KDM4C: variants seen among roughly 807,000 people sequenced by gnomAD.
KDM4C encodes lysine demethylase 4C.
KDM4C carries 81 observed loss-of-function variants against 129.3 expected under a neutral mutation model. That is an observed-to-expected ratio of 0.63 (90% CI 0.52 to 0.75). The LOEUF is 0.75. Among genes scored for constraint, KDM4C ranks in the 30% least tolerant of loss-of-function variants. The pLI, the probability that KDM4C is intolerant of heterozygous loss-of-function variation, is 0.00. For missense variants in KDM4C, 1,457 were observed against 1,304.0 expected (o/e 1.12, Z -1.81); for synonymous variants, 573 against 456.1 (o/e 1.26, Z -3.26).
At chr9:6,840,495 C>T (rs988573942) in intron 4 of KDM4C, among the ~76,000 whole-genome samples, 19 of 151,744 alleles carry the variant, frequency 1.3e-4, no homozygotes, top group Admixed American at 1.2e-3. Flanking sequence ...CTCCCAGGTT[C>T]CAGTGATTCT....
intron 1 of KDM4C, among the ~76,000 whole-genome samples, chr9:6,726,283 G>C (rs1045138002): frequency 1.3e-5 from 2 of 152,166 alleles, no homozygotes; most frequent in African/African-American, 4.8e-5. Flanking sequence ...AGAGACTTCC[G>C]AGATTCTCTA....
intron 8 of KDM4C, among the ~76,000 whole-genome samples, chr9:6,908,470 C>T (rs571315524): frequency 2.0e-4 from 31 of 152,162 alleles, no homozygotes; most frequent in Non-Finnish European, 3.7e-4. Context: ...CATTCTTTCA[C>T]TGAGAGAATG....
At chr9:7,103,390 C>G (rs1306846152) in intron 17 of KDM4C, among the ~76,000 whole-genome samples, 1 of 152,180 alleles carries the variant, frequency 6.6e-6, no homozygotes, top group Non-Finnish European at 1.5e-5. Context: ...GGTCTTTTCC[C>G]GAGCTCTGTG....
At chr9:7,108,424 A>G (rs143438841) in intron 18 of KDM4C, among the ~76,000 whole-genome samples, 1 of 152,032 alleles carries the variant, frequency 6.6e-6, no homozygotes, top group East Asian at 1.9e-4. Flanking sequence ...ATTTATAGAG[A>G]CTGGGTTGTA....
At chr9:6,979,910 T>A (rs1255035801) in intron 8 of KDM4C, among the ~76,000 whole-genome samples, 1 of 152,160 alleles carries the variant, frequency 6.6e-6, no homozygotes, top group Non-Finnish European at 1.5e-5. Context: ...CAGAGTGTGG[T>A]TTGAAGTTGA....
chr9:6,753,350 C>A (rs1158943038), upstream of KDM4C, among the ~76,000 whole-genome samples: 4 of 152,196 alleles, frequency 2.6e-5, no homozygotes, highest in African/African-American at 9.7e-5. Context: ...ATTATTAAAT[C>A]TATAAACACT....
chr9:6,803,441 G>A (rs909963914), intron 2 of KDM4C, among the ~76,000 whole-genome samples: 2 of 151,762 alleles, frequency 1.3e-5, no homozygotes, highest in Admixed American at 6.6e-5. Flanking sequence ...ATGGTGGTGC[G>A]CACCTGTAGT....
intron 15 of KDM4C, among the ~76,000 whole-genome samples, chr9:7,016,150 C>T (rs1395747113): frequency 1.4e-4 from 21 of 146,718 alleles, no homozygotes; most frequent in Admixed American, 1.4e-3. Flanking sequence ...TTTTTTGAGA[C>T]GGAGTCTCTC....
intron 21 of KDM4C, 115 bp from the exon 22 acceptor site, chr9:7,174,438 A>T: frequency 1.1e-6 from 1 of 935,694 alleles, no homozygotes; most frequent in Non-Finnish European, 1.7e-6. Context: ...TTTTAGCCTG[A>T]GCTGGTGACC....
chr9:7,084,513 A>G (rs983603599), intron 17 of KDM4C, among the ~76,000 whole-genome samples: 33 of 152,232 alleles, frequency 2.2e-4, no homozygotes, highest in African/African-American at 8.0e-4. Flanking sequence ...ATAACTTTCA[A>G]AGCATTGATT....
At chr9:6,997,745 T>C (rs1029498956) in intron 12 of KDM4C, among the ~76,000 whole-genome samples, 2 of 152,240 alleles carry the variant, frequency 1.3e-5, no homozygotes, top group African/African-American at 4.8e-5. Context: ...TGGTCATGAA[T>C]GATAAGTGTT....
At chr9:7,141,104 T>C (rs1227282384) in intron 19 of KDM4C, among the ~76,000 whole-genome samples, 2 of 152,196 alleles carry the variant, frequency 1.3e-5, no homozygotes. Context: ...CCTTGGACTA[T>C]CTTGAGCAGA....
rs1844191416 is a variant in KDM4C, at chr9:6,879,998, G to A, written c.630-14G>A. On this transcript the variant is annotated splice_polypyrimidine_tract_variant and intron_variant, in intron 5 of 21. Transcript: ENST00000381309. ...TTATAAACCTAAAATTTTTACTTAT[G>A]TTTAAAATTTTAGGTATGCTATACC... is the stretch of plus-strand genomic sequence containing the variant. 3 of 1,493,052 alleles carry A rather than the reference G, an allele frequency of 2.0e-6. No individual in the cohort carries two copies. The highest frequency in any genetic ancestry group is 2.3e-5 in the East Asian group (1 of 43,738). 92.5% of individuals were successfully genotyped at this position (1,493,052 alleles called of 1,614,324 possible).
At chr9:7,093,194 C>T (rs1197559877) in intron 17 of KDM4C, among the ~76,000 whole-genome samples, 5 of 151,998 alleles carry the variant, frequency 3.3e-5, no homozygotes, top group Non-Finnish European at 5.9e-5. Flanking sequence ...TTGTGGCCAC[C>T]CCTCTTTTGA....
At chr9:6,923,615 A>G (rs947138871) in intron 8 of KDM4C, among the ~76,000 whole-genome samples, 4 of 152,242 alleles carry the variant, frequency 2.6e-5, no homozygotes, top group African/African-American at 9.6e-5. Flanking sequence ...TAGAATACCC[A>G]TACATTACAG....
chr9:6,923,603 C>T (rs1657256002), intron 8 of KDM4C, among the ~76,000 whole-genome samples: 1 of 152,174 alleles, frequency 6.6e-6, no homozygotes, highest in Admixed American at 6.5e-5. Context: ...AGAGACAGAA[C>T]ATAGAATACC....
chr9:6,864,630 A>T (rs145014950), intron 5 of KDM4C, among the ~76,000 whole-genome samples: 1 of 151,524 alleles, frequency 6.6e-6, no homozygotes, highest in Non-Finnish European at 1.5e-5. Flanking sequence ...CAACATGCCC[A>T]GCTAATTTTT....
At chr9:6,834,894 G>T in intron 4 of KDM4C, 2 of 1,256,658 alleles carry the variant, frequency 1.6e-6, no homozygotes, top group Admixed American at 1.7e-5. Context: ...TTCTTTGGCT[G>T]TACCACTGGT....
chr9:6,920,486 C>T (rs548446011), intron 8 of KDM4C, among the ~76,000 whole-genome samples: 51 of 151,604 alleles, frequency 3.4e-4, no homozygotes, highest in African/African-American at 8.7e-4. Flanking sequence ...TCACTTGAAC[C>T]GGGGAGGTGC....
Sources: gnomAD v4.1 joint callset for allele counts (sites outside exome capture counted in the v4.1 genomes callset) on GRCh38, gnomAD v4.1.1 for gene constraint, MANE v1.5 for transcripts, NCBI Gene and HGNC (gene_info 2026-07-23, HGNC 2026-07-21) for gene names.